VWC2: variants seen among roughly 807,000 people sequenced by gnomAD.
VWC2 encodes von Willebrand factor C domain containing 2, also known as brorin.
A neutral mutation model predicts 29.8 loss-of-function variants in VWC2; 14 were observed. The ratio of observed to expected loss-of-function variants is 0.47; its 90% confidence interval spans 0.31 to 0.74. The LOEUF (loss-of-function observed/expected upper bound fraction) is 0.74, where lower values mean the gene tolerates loss of function less well. Among genes scored for constraint, VWC2 ranks in the 30% least tolerant of loss-of-function variants. The pLI, the probability that VWC2 is intolerant of heterozygous loss-of-function variation, is 0.05. For missense variants in VWC2, 457 were observed against 459.8 expected (o/e 0.99, Z 0.05); for synonymous variants, 213 against 199.0 (o/e 1.07, Z -0.59).
At chr7:49,814,187 T>C (rs1789078925) in intron 3 of VWC2, among the ~76,000 whole-genome samples, 1 of 152,208 alleles carries the variant, frequency 6.6e-6, no homozygotes, top group Non-Finnish European at 1.5e-5. Flanking sequence ...GTATTAATTA[T>C]TTATTCTTAT....
intron 3 of VWC2, among the ~76,000 whole-genome samples, chr7:49,880,240 T>C (rs1231080661): frequency 6.6e-6 from 1 of 152,202 alleles, no homozygotes; most frequent in Non-Finnish European, 1.5e-5. Flanking sequence ...TGTGTGGCTA[T>C]AAAACATGTT....
intron 3 of VWC2, among the ~76,000 whole-genome samples, chr7:49,833,087 GTGCTGATGCAT>G (rs1477453842): frequency 2.1e-4 from 32 of 152,318 alleles, no homozygotes; most frequent in Non-Finnish European, 3.5e-4. Flanking sequence ...CTAATAAGAC[GTGCTGATGCAT>G]TGCATTTGGG....
intron 2 of VWC2, among the ~76,000 whole-genome samples, chr7:49,777,022 G>A (rs1007311428): frequency 6.6e-6 from 1 of 152,244 alleles, no homozygotes; most frequent in Admixed American, 6.5e-5. Flanking sequence ...TTTAGTTTGG[G>A]TGAAGGTGCT....
intron 3 of VWC2, among the ~76,000 whole-genome samples, chr7:49,829,151 T>C (rs1259722367): frequency 6.6e-6 from 1 of 152,244 alleles, no homozygotes; most frequent in Non-Finnish European, 1.5e-5. Flanking sequence ...TTGGCCTTAT[T>C]GTACCTCAAC....
chr7:49,781,233 C>T (rs1412539165), intron 2 of VWC2, among the ~76,000 whole-genome samples: 3 of 151,892 alleles, frequency 2.0e-5, no homozygotes, highest in African/African-American at 7.3e-5. Flanking sequence ...GTGTCTAAAG[C>T]CATTTAAACA....
intron 3 of VWC2, among the ~76,000 whole-genome samples, chr7:49,898,959 A>G (rs1792552527): frequency 6.6e-6 from 1 of 152,146 alleles, no homozygotes; most frequent in South Asian, 2.1e-4. Flanking sequence ...AGTGCAACAA[A>G]TAGAAAATAG....
At position 49,853,533 on chromosome 7, in the gene VWC2, GT is replaced by G. The variant is rs368455759; in HGVS notation, c.826+50703del. Among the ~76,000 whole-genome samples the G allele has an allele frequency of 4.6e-3, 684 of 149,220 alleles. 2 individuals carry two copies. The highest frequency in any genetic ancestry group is 0.013 in the African/African-American group (544 of 40,754). ...GAATAAGATAGGTCCTAAGTTTTTG[GT>G]TTTTTTTTTCTTTATCACGGTAGAC... On this transcript the variant is annotated intron_variant, in intron 3 of 3. Coordinates refer to ENST00000340652, the MANE Select transcript of VWC2 (RefSeq NM_198570.5).
chr7:49,876,501 T>G (rs950946495), intron 3 of VWC2, among the ~76,000 whole-genome samples: 1 of 152,132 alleles, frequency 6.6e-6, no homozygotes, highest in Non-Finnish European at 1.5e-5. Flanking sequence ...CATCTATAAT[T>G]ATAATTCTCA....
At chr7:49,777,856 C>T (rs1385371307) in intron 2 of VWC2, among the ~76,000 whole-genome samples, 2 of 152,096 alleles carry the variant, frequency 1.3e-5, no homozygotes, top group Non-Finnish European at 2.9e-5. Context: ...TGGCCTGGAG[C>T]AGGGTCATAG....
At position 49,775,409 on chromosome 7, in the gene VWC2, C is replaced by T; in HGVS notation, c.-27C>T. 4 of 1,216,692 alleles carry T rather than the reference C, an allele frequency of 3.3e-6. No homozygotes were observed. The highest frequency in any genetic ancestry group is 4.2e-6 in the Non-Finnish European group (4 of 944,520). The allele number at this position is 1,216,692 out of a possible 1,614,324, so 75.4% of individuals were successfully genotyped here. ...TCGCCCCTCGGCCGCGCTCCCCGCC[C>T]GCCCGCCCGCCGGGACGTGGTAGGG... On this transcript the variant is annotated 5_prime_UTR_variant, in exon 2 of 4. Coordinates refer to ENST00000340652, the MANE Select transcript of VWC2 (RefSeq NM_198570.5).
chr7:49,825,602 C>T (rs1322268386), intron 3 of VWC2, among the ~76,000 whole-genome samples: 2 of 152,182 alleles, frequency 1.3e-5, no homozygotes, highest in Non-Finnish European at 2.9e-5. Flanking sequence ...AGTACTTGTG[C>T]AGTTTATGCT....
At chr7:49,876,566 A>G (rs926096578) in intron 3 of VWC2, among the ~76,000 whole-genome samples, 1 of 152,204 alleles carries the variant, frequency 6.6e-6, no homozygotes, top group African/African-American at 2.4e-5. Flanking sequence ...TAGTACTTCA[A>G]TTAAATACCT....
rs150244703 is a variant in VWC2, at chr7:49,858,014, C to T, written c.827-54020C>T. Reference sequence around the variant, plus strand: ...GGCTTATAGAGTTCCCCTGTAACCTCGTGTCAATGAAAGCTATACATGGTA... The same window carrying T: ...GGCTTATAGAGTTCCCCTGTAACCTTGTGTCAATGAAAGCTATACATGGTA... On this transcript the variant is annotated intron_variant, in intron 3 of 3. Transcript: ENST00000340652. 7.5e-3 allele frequency among the ~76,000 whole-genome samples: 1,140 copies of T among 152,238 alleles called. 10 individuals carry two copies. The highest frequency in any genetic ancestry group is 0.026 in the African/African-American group (1,067 of 41,530).
At chr7:49,840,629 G>C (rs1261244192) in intron 3 of VWC2, among the ~76,000 whole-genome samples, 1 of 152,116 alleles carries the variant, frequency 6.6e-6, no homozygotes, top group Non-Finnish European at 1.5e-5. Context: ...GTGAGCATAA[G>C]GAGTATTGGT....
intron 3 of VWC2, among the ~76,000 whole-genome samples, chr7:49,880,032 T>G (rs1211427070): frequency 6.6e-6 from 1 of 152,174 alleles, no homozygotes; most frequent in East Asian, 1.9e-4. Context: ...GGAGCATCAT[T>G]TTCTCCCAAC....
At chr7:49,839,817 CAT>C (rs928358174) in intron 3 of VWC2, among the ~76,000 whole-genome samples, 5 of 152,186 alleles carry the variant, frequency 3.3e-5, no homozygotes, top group African/African-American at 7.2e-5. Context: ...GTGAGAACCA[CAT>C]GTTTCAAATC....
intron 3 of VWC2, among the ~76,000 whole-genome samples, chr7:49,900,810 A>C (rs1273136835): frequency 6.6e-6 from 1 of 151,906 alleles, no homozygotes; most frequent in African/African-American, 2.4e-5. Flanking sequence ...CACTACAAGA[A>C]AGGAAAACTA....
chr7:49,895,549 CAAG>C (rs1319703081), intron 3 of VWC2, among the ~76,000 whole-genome samples: 1 of 152,132 alleles, frequency 6.6e-6, no homozygotes, highest in Non-Finnish European at 1.5e-5. Context: ...GTCCATGAGG[CAAG>C]AAAAGCATTA....
In VWC2 at chr7:49,773,802, C is replaced by T. The variant is rs1583614834; in HGVS notation, c.-415C>T. ...GGAGCGAGGCGGCGCCAGGGTGGCC[C>T]CCGGGGCGCGCTTGGTCTCGGAGAA... On this transcript the variant is annotated 5_prime_UTR_variant, in exon 1 of 4. Transcript: ENST00000340652. 1 of 152,472 alleles carries T rather than the reference C, an allele frequency of 6.6e-6. No individual in the cohort carries two copies. Among genetic ancestry groups the T allele is most frequent in the East Asian group, 1.9e-4 (1 of 5,158 alleles). 9.4% of individuals were successfully genotyped at this position (152,472 alleles called of 1,614,324 possible).
Sources: gnomAD v4.1 joint callset for allele counts (sites outside exome capture counted in the v4.1 genomes callset) on GRCh38, gnomAD v4.1.1 for gene constraint, MANE v1.5 for transcripts, NCBI Gene and HGNC (gene_info 2026-07-23, HGNC 2026-07-21) for gene names.